Variants in NFATC2 observed in about 807,000 individuals in gnomAD.
NFATC2 encodes nuclear factor of activated T-cells, cytoplasmic 2.
In NFATC2, 22 loss-of-function variants were observed where a neutral mutation model predicts 87.3. The observed-to-expected ratio is 0.25, with a 90% CI of 0.18 to 0.36. The LOEUF (loss-of-function observed/expected upper bound fraction) is 0.36. Among genes scored for constraint, NFATC2 ranks in the 10% least tolerant of loss-of-function variants. NFATC2 has a pLI of 1.00. For missense variants in NFATC2, 1,149 were observed against 1,259.1 expected, an observed-to-expected ratio of 0.91 and a Z score of 1.32; for synonymous variants, 565 against 542.2, an observed-to-expected ratio of 1.04 and a Z score of -0.58.
At chr20:51,418,904 T>C (rs1980447231) in intron 9 of NFATC2, among the ~76,000 whole-genome samples, 1 of 151,690 alleles carries the variant, frequency 6.6e-6, no homozygotes, top group African/African-American at 2.4e-5. Context: ...CCTTAAGTGA[T>C]CTGCCTGCCT....
Position 51,480,237 on chromosome 20 carries a change from G to A in NFATC2, c.1333-4577C>T, listed in dbSNP as rs1253688133. ...CGGGGGTTGGAGGTGGCAGTGAGCC[G>A]ATATTGCACCACTGCACTCCCGCCT... On this transcript the variant is annotated intron_variant, in intron 3 of 10. Transcript: ENST00000371564. The surrounding 1 kb of genome is among the most constrained non-coding windows in gnomAD (Gnocchi z 4.2). Among the ~76,000 whole-genome samples the A allele has an allele frequency of 1.3e-5, 2 of 151,866 alleles. No individual in the cohort carries two copies. The highest frequency in any genetic ancestry group is 2.4e-5 in the African/African-American group (1 of 41,290).
chr20:51,403,812 C>G (rs1239464742), intron 9 of NFATC2, among the ~76,000 whole-genome samples: 1 of 152,166 alleles, frequency 6.6e-6, no homozygotes, highest in African/African-American at 2.4e-5. Flanking sequence ...TTGCTAGCCT[C>G]TAGAATTGTG....
intron 6 of NFATC2, among the ~76,000 whole-genome samples, chr20:51,446,325 T>C (rs1600748625): frequency 6.6e-6 from 1 of 152,202 alleles, no homozygotes; most frequent in Non-Finnish European, 1.5e-5. Flanking sequence ...GGGCAGCTGA[T>C]GTTTTCTGAG....
At chr20:51,501,369 A>ATGCC (rs1283034824) in intron 3 of NFATC2, among the ~76,000 whole-genome samples, 2 of 152,186 alleles carry the variant, frequency 1.3e-5, no homozygotes, top group African/African-American at 4.8e-5. Flanking sequence ...AGGCACTGAA[A>ATGCC]TGCCACAGGG....
chr20:51,513,754 A>G (rs1323645244), intron 3 of NFATC2, among the ~76,000 whole-genome samples: 1 of 152,236 alleles, frequency 6.6e-6, no homozygotes, highest in Non-Finnish European at 1.5e-5. Flanking sequence ...GCCAATCAGC[A>G]TCTCCCTGAG....
At position 51,470,414 on chromosome 20, in the gene NFATC2, C is replaced by T. The variant is rs368430884; in HGVS notation, c.1708+3566G>A. 3.9e-5 allele frequency among the ~76,000 whole-genome samples: 6 copies of T among 152,174 alleles called. 1 individual carries two copies. The East Asian group carries it at 7.7e-4, about 20-fold the overall frequency. Reference sequence around the variant, plus strand: ...TGAGATTGCAGCTCTGACCAGCTGGCATGCAAATAAACATAAGGCACCTGC... The same window carrying T: ...TGAGATTGCAGCTCTGACCAGCTGGTATGCAAATAAACATAAGGCACCTGC... On this transcript the variant is annotated intron_variant, in intron 5 of 10. Transcript: ENST00000371564.
At position 51,458,875 on chromosome 20, in the gene NFATC2, A is replaced by G. The variant is rs751692584; in HGVS notation, c.1709-4187T>C. 7.2e-5 allele frequency among the ~76,000 whole-genome samples: 11 copies of G among 152,308 alleles called. No individual in the cohort carries two copies. In the South Asian group the frequency reaches 1.5e-3, roughly 20 times the overall value. On this transcript the variant is annotated intron_variant, in intron 5 of 10. Coordinates refer to ENST00000371564, the MANE Select transcript of NFATC2 (RefSeq NM_012340.5). ...ACAGCCAGGTTTTATCTGTGGTACC[A>G]TCACTGCAGGGTAATACAGGGCCCT... is the stretch of plus-strand genomic sequence containing the variant.
chr20:51,481,615 C>T (rs1989263851), intron 3 of NFATC2, among the ~76,000 whole-genome samples: 1 of 152,104 alleles, frequency 6.6e-6, no homozygotes, highest in South Asian at 2.1e-4. Flanking sequence ...TCTGTGGCGT[C>T]TGCGGGGGTG....
At position 51,388,425 on chromosome 20, in the gene NFATC2, T is replaced by A. The variant is rs553976438; in HGVS notation, c.*3071A>T. Reference sequence around the variant, plus strand: ...TCTTCTAGAGAGGTGACTAACAGGCTCTGAGTGGGGGTTTTATTATATGGG... The same window carrying A: ...TCTTCTAGAGAGGTGACTAACAGGCACTGAGTGGGGGTTTTATTATATGGG... On this transcript the variant is annotated 3_prime_UTR_variant, in exon 11 of 11. Transcript: ENST00000371564. 4 of 152,156 alleles carry A rather than the reference T, an allele frequency of 2.6e-5. No individual in the cohort carries two copies. In the East Asian group the frequency reaches 7.7e-4, roughly 29 times the overall value. 9.4% of individuals were successfully genotyped at this position (152,156 alleles called of 1,614,324 possible). A position where few individuals can be genotyped will look rare whatever the true frequency, so the allele number is the denominator to read the frequency against.
At chr20:51,517,175 T>A (rs1232177266) in intron 2 of NFATC2, among the ~76,000 whole-genome samples, 4 of 152,216 alleles carry the variant, frequency 2.6e-5, no homozygotes, top group South Asian at 2.1e-4. Flanking sequence ...TATGGTATAG[T>A]GGCTCCTAGG....
chr20:51,427,444 C>T (rs911614045), intron 9 of NFATC2, among the ~76,000 whole-genome samples: 10 of 152,260 alleles, frequency 6.6e-5, no homozygotes, highest in African/African-American at 2.2e-4. Context: ...TTTAAGTAAC[C>T]GCGCTCATGA....
Position 51,480,841 on chromosome 20 carries a change from G to A in NFATC2, c.1333-5181C>T, listed in dbSNP as rs1362156727. Among the ~76,000 whole-genome samples the A allele has an allele frequency of 6.6e-6, 1 of 152,158 alleles. No individual in the cohort carries two copies. Among genetic ancestry groups the A allele is most frequent in the Admixed American group, 6.5e-5 (1 of 15,276 alleles). On this transcript the variant is annotated intron_variant, in intron 3 of 10. Coordinates refer to ENST00000371564, the MANE Select transcript of NFATC2 (RefSeq NM_012340.5). The surrounding 1 kb of genome is among the most constrained non-coding windows in gnomAD (Gnocchi z 4.2). ...AACGAGAACTTTCCTTGTCATCGGA[G>A]GATGACGCAAATCGAAACAGGGAGG... is the stretch of plus-strand genomic sequence containing the variant.
chr20:51,428,689 G>A (rs1600711654), intron 9 of NFATC2, among the ~76,000 whole-genome samples: 1 of 152,230 alleles, frequency 6.6e-6, no homozygotes, highest in Non-Finnish European at 1.5e-5. Flanking sequence ...CAGCTTCAAA[G>A]ATGGTTTGTT....
At position 51,390,314 on chromosome 20, in the gene NFATC2, A is replaced by AGAGG. The variant is rs1320078759; in HGVS notation, c.*1178_*1181dup. 3.9e-5 allele frequency: 6 copies of AGAGG among 152,368 alleles called. No individual in the cohort carries two copies. The highest frequency in any genetic ancestry group is 1.3e-4 in the Admixed American group (2 of 15,298). 9.4% of individuals were successfully genotyped at this position (152,368 alleles called of 1,614,324 possible). ...CATCCTGAGCTCGGCTGTCCCACTT[A>AGAGG]GAGGGAATTCAGCCCTTTTCCTCTA... On this transcript the variant is annotated 3_prime_UTR_variant, in exon 11 of 11. Coordinates refer to ENST00000371564, the MANE Select transcript of NFATC2 (RefSeq NM_012340.5).
chr20:51,515,460 T>G (rs6067803), intron 3 of NFATC2, among the ~76,000 whole-genome samples: 69,393 of 152,070 alleles, frequency 0.46, 16,033 homozygotes, highest in South Asian at 0.5. Context: ...CAGTTTAAAA[T>G]CTAAGCCCCA....
intron 1 of NFATC2, among the ~76,000 whole-genome samples, chr20:51,529,509 T>A (rs2076599048): frequency 6.6e-6 from 1 of 152,222 alleles, no homozygotes; most frequent in South Asian, 2.1e-4. Flanking sequence ...TCTAAGTCAG[T>A]GGCTGAGATT....
Position 51,422,569 on chromosome 20 carries a change from C to T in NFATC2, c.2722+9498G>A, listed in dbSNP as rs199741423. Among the ~76,000 whole-genome samples, 21 of 140,972 alleles carry T rather than the reference C, an allele frequency of 1.5e-4. No homozygotes were observed. The East Asian group carries it at 2.6e-3, about 18-fold the overall frequency. The allele number at this position is 140,972 out of a possible 152,430, so 92.5% of individuals were successfully genotyped here. On this transcript the variant is annotated intron_variant, in intron 9 of 10. Transcript: ENST00000371564. ...ATCATTCCCCAGGAAGAAAACCCCTCTTTTTTTTTTTTTTTTCTGAAAGGG... is the reference window on the plus strand; with the variant it reads ...ATCATTCCCCAGGAAGAAAACCCCTTTTTTTTTTTTTTTTTTCTGAAAGGG...
chr20:51,429,565 G>T (rs959933786), intron 9 of NFATC2, among the ~76,000 whole-genome samples: 1 of 152,196 alleles, frequency 6.6e-6, no homozygotes, highest in Non-Finnish European at 1.5e-5. Flanking sequence ...TGTGTAGCAC[G>T]ACTCCCGGGC....
At chr20:51,477,521 A>ATG (rs550229417) in intron 3 of NFATC2, among the ~76,000 whole-genome samples, 1,706 of 123,152 alleles carry the variant, frequency 0.014, 18 homozygotes, top group Non-Finnish European at 0.018. Context: ...ATATATACAT[A>ATG]TGTGTGTGTG....
Sources: gnomAD v4.1 joint callset for allele counts (sites outside exome capture counted in the v4.1 genomes callset) on GRCh38, gnomAD v4.1.1 for gene constraint, Gnocchi (gnomAD v3.1) non-coding constraint, MANE v1.5 for transcripts, NCBI Gene and HGNC (gene_info 2026-07-23, HGNC 2026-07-21) for gene names.